The following TMC1 variants were observed in gnomAD, a reference collection of about 807,000 sequenced individuals.
The protein encoded by TMC1 is transmembrane channel-like protein 1.
TMC1 carries 84 observed loss-of-function variants against 105.8 expected under a neutral mutation model. The observed-to-expected ratio is 0.79, with a 90% confidence interval of 0.67 to 0.95. TMC1 has a LOEUF of 0.95. Among genes scored for constraint, TMC1 ranks in the 40% least tolerant of loss-of-function variants. The pLI, the probability that TMC1 is intolerant of heterozygous loss-of-function variation, is 0.00. For missense variants in TMC1, 817 were observed against 914.1 expected, an observed-to-expected ratio of 0.89 and a Z score of 1.37; for synonymous variants, 315 against 311.5, an observed-to-expected ratio of 1.01 and a Z score of -0.12.
intron 2 of TMC1, among the ~76,000 whole-genome samples, chr9:72,589,225 C>T (rs1443607110): frequency 6.6e-6 from 1 of 152,176 alleles, no homozygotes; most frequent in Non-Finnish European, 1.5e-5. Flanking sequence ...TTGACATCAA[C>T]CTTATAAACT....
chr9:72,719,146 G>T (rs1285554713), intron 8 of TMC1, among the ~76,000 whole-genome samples: 2 of 152,160 alleles, frequency 1.3e-5, no homozygotes, highest in East Asian at 3.9e-4. Context: ...AGCAAGCGGG[G>T]CTTTTGTGCC....
chr9:72,739,984 C>T (rs1252322081), intron 8 of TMC1, 135 bp from the exon 9 acceptor site: 18 of 651,038 alleles, frequency 2.8e-5, no homozygotes, highest in Non-Finnish European at 4.0e-5. Flanking sequence ...TTATGAAATA[C>T]AGTCTAGGTT....
intron 3 of TMC1, among the ~76,000 whole-genome samples, chr9:72,624,467 T>C (rs1168953383): frequency 6.6e-6 from 1 of 152,208 alleles, no homozygotes; most frequent in Non-Finnish European, 1.5e-5. Flanking sequence ...GGCCAAGCCA[T>C]TCACTACTGC....
chr9:72,686,614 C>G (rs1221765941), intron 5 of TMC1, among the ~76,000 whole-genome samples: 1 of 152,138 alleles, frequency 6.6e-6, no homozygotes, highest in Non-Finnish European at 1.5e-5. Flanking sequence ...ATGCTTATGA[C>G]ACCTTTGCTG....
chr9:72,610,494 G>A (rs1052459305), intron 2 of TMC1, among the ~76,000 whole-genome samples: 3 of 152,276 alleles, frequency 2.0e-5, no homozygotes, highest in African/African-American at 7.2e-5. Context: ...CAATGTTTCA[G>A]TTAAAGTCCA....
chr9:72,580,140 A>G (rs1824451932), intron 2 of TMC1, among the ~76,000 whole-genome samples: 1 of 152,186 alleles, frequency 6.6e-6, no homozygotes, highest in Non-Finnish European at 1.5e-5. Context: ...CTTGAGTGCC[A>G]TCTCAGACGT....
intron 3 of TMC1, among the ~76,000 whole-genome samples, chr9:72,625,239 G>A (rs537636306): frequency 1.6e-4 from 24 of 152,242 alleles, no homozygotes; most frequent in Admixed American, 9.2e-4. Context: ...AGCCCCCCAG[G>A]AACACCCCTG....
chr9:72,791,782 A>AAAAGATC, intron 15 of TMC1, 104 bp from the exon 16 acceptor site: 1 of 959,780 alleles, frequency 1.0e-6, no homozygotes, highest in Non-Finnish European at 1.7e-6. Flanking sequence ...TTAGTCTTAA[A>AAAAGATC]AAAGATCAAA....
At chr9:72,622,944 C>T (rs187857561) in intron 3 of TMC1, among the ~76,000 whole-genome samples, 38 of 151,128 alleles carry the variant, frequency 2.5e-4, no homozygotes, top group Middle Eastern at 3.4e-3. Context: ...CCCAGCTACT[C>T]GGGAGGCTGA....
intron 1 of TMC1, among the ~76,000 whole-genome samples, chr9:72,525,742 C>A (rs1042311300): frequency 6.6e-6 from 1 of 152,216 alleles, no homozygotes; most frequent in African/African-American, 2.4e-5. Context: ...AATCCCAGCA[C>A]TTTGGGAGGC....
chr9:72,610,886 C>T (rs1260746328), intron 2 of TMC1, among the ~76,000 whole-genome samples: 1 of 152,194 alleles, frequency 6.6e-6, no homozygotes, highest in Non-Finnish European at 1.5e-5. Context: ...CCTTAGAATC[C>T]TTGCCTGAAG....
intron 19 of TMC1, among the ~76,000 whole-genome samples, chr9:72,819,863 A>G (rs553566177): frequency 6.6e-6 from 1 of 152,322 alleles, no homozygotes; most frequent in Non-Finnish European, 1.5e-5. Context: ...GTGCACATAT[A>G]TCTTCTTTTT....
At chr9:72,796,041 AAC>A (rs1222919716) in intron 17 of TMC1, among the ~76,000 whole-genome samples, 1 of 152,106 alleles carries the variant, frequency 6.6e-6, no homozygotes, top group Non-Finnish European at 1.5e-5. Flanking sequence ...CAAAAAACAA[AAC>A]ACACACATGC....
intron 1 of TMC1, among the ~76,000 whole-genome samples, chr9:72,549,855 A>G (rs1001527447): frequency 6.7e-6 from 1 of 150,150 alleles, no homozygotes; most frequent in Non-Finnish European, 1.5e-5. Flanking sequence ...CTCGTGATCC[A>G]CCCACCTTGG....
At chr9:72,583,852 A>G (rs1824509723) in intron 2 of TMC1, among the ~76,000 whole-genome samples, 1 of 116,316 alleles carries the variant, frequency 8.6e-6, no homozygotes, top group South Asian at 2.4e-4. Context: ...GTCTGAAATT[A>G]TTATGGAAAA....
chr9:72,671,150 G>A (rs1359972255), intron 5 of TMC1, among the ~76,000 whole-genome samples: 2 of 152,214 alleles, frequency 1.3e-5, no homozygotes, highest in African/African-American at 2.4e-5. Flanking sequence ...AGAATGGATA[G>A]TCATGGAGAA....
intron 8 of TMC1, among the ~76,000 whole-genome samples, chr9:72,719,020 C>T (rs998955795): frequency 6.6e-6 from 1 of 152,120 alleles, no homozygotes; most frequent in Non-Finnish European, 1.5e-5. Context: ...CCCATGCAAC[C>T]CAAAAGGCTG....
intron 5 of TMC1, among the ~76,000 whole-genome samples, chr9:72,654,037 A>T (rs907022447): frequency 3.3e-5 from 5 of 152,136 alleles, no homozygotes; most frequent in Admixed American, 2.6e-4. Flanking sequence ...TTCACCAGTT[A>T]ATGGACATTC....
At chr9:72,749,422 CATG>C (rs896743851) in intron 10 of TMC1, among the ~76,000 whole-genome samples, 2 of 152,148 alleles carry the variant, frequency 1.3e-5, no homozygotes, top group African/African-American at 4.8e-5. Context: ...TTCAATAAAA[CATG>C]ATGAGTGAAC....
Sources: allele counts gnomAD v4.1 joint callset (sites outside exome capture counted in the v4.1 genomes callset), GRCh38; gene constraint gnomAD v4.1.1; transcripts MANE v1.5; gene names NCBI Gene and HGNC (gene_info 2026-07-23, HGNC 2026-07-21).